KCNG2: variants seen among roughly 807,000 people sequenced by gnomAD.
The protein encoded by KCNG2 is potassium voltage-gated channel modifier subfamily G member 2.
KCNG2 carries 7 observed loss-of-function variants against 12.3 expected under a neutral mutation model. That is an observed-to-expected ratio of 0.57 (90% CI 0.32 to 1.07). The LOEUF (loss-of-function observed/expected upper bound fraction) is 1.07, where lower values mean the gene tolerates loss of function less well. Among genes scored for constraint, KCNG2 ranks in the 50% least tolerant of loss-of-function variants. The pLI is 0.04. For synonymous variants in KCNG2, 414 were observed against 351.4 expected (o/e 1.18, Z -1.99); for missense variants, 703 against 726.0 (o/e 0.97, Z 0.36).
At chr18:79,799,051 C>A (rs1306610246) in intron 1 of KCNG2, among the ~76,000 whole-genome samples, 5 of 152,218 alleles carry the variant, frequency 3.3e-5, no homozygotes, top group Non-Finnish European at 7.3e-5. Context: ...GAAGTCCTTT[C>A]CCTGCGGGAG....
chr18:79,832,975 A>C (rs1200235294), intron 1 of KCNG2, among the ~76,000 whole-genome samples: 2 of 152,194 alleles, frequency 1.3e-5, no homozygotes, highest in Non-Finnish European at 2.9e-5. Flanking sequence ...GGCTGCACCC[A>C]GTCTCCAAGG....
chr18:79,890,762 T>G (rs1408633495), intron 3 of KCNG2, among the ~76,000 whole-genome samples: 1 of 152,182 alleles, frequency 6.6e-6, no homozygotes, highest in Non-Finnish European at 1.5e-5. Flanking sequence ...TGATGATTAG[T>G]CTGTGCAGAT....
At chr18:79,862,475 C>T (rs1979257836) in intron 2 of KCNG2, among the ~76,000 whole-genome samples, 1 of 152,194 alleles carries the variant, frequency 6.6e-6, no homozygotes, top group Admixed American at 6.5e-5. Flanking sequence ...AGCACTCATC[C>T]AGGCTGGTCA....
At chr18:79,868,402 G>A (rs1341829270) in intron 3 of KCNG2, among the ~76,000 whole-genome samples, 6 of 152,338 alleles carry the variant, frequency 3.9e-5, no homozygotes, top group East Asian at 1.9e-4. Flanking sequence ...GTGTCCAAGC[G>A]TCCGGTTAAG....
chr18:79,825,102 C>T (rs1166158063), intron 1 of KCNG2, among the ~76,000 whole-genome samples: 1 of 151,932 alleles, frequency 6.6e-6, no homozygotes, highest in African/African-American at 2.4e-5. Context: ...TTTGATAGGA[C>T]AGTCAGTAGT....
intron 1 of KCNG2, among the ~76,000 whole-genome samples, chr18:79,837,920 A>G (rs1364107118): frequency 3.3e-5 from 5 of 152,212 alleles, no homozygotes; most frequent in Non-Finnish European, 7.3e-5. Flanking sequence ...ACTACCTGAG[A>G]CTGGGTAATT....
chr18:79,887,234 G>GGATATAGGGTCACAGGGACAGGC (rs1568271628), intron 3 of KCNG2, among the ~76,000 whole-genome samples: 1 of 151,740 alleles, frequency 6.6e-6, no homozygotes, highest in Non-Finnish European at 1.5e-5. Flanking sequence ...CAGGGACAGG[G>GGATATAGGGTCACAGGGACAGGC]ACACAGGGAG....
chr18:79,823,514 ATC>A (rs922071833), intron 1 of KCNG2, among the ~76,000 whole-genome samples: 1 of 152,136 alleles, frequency 6.6e-6, no homozygotes, highest in African/African-American at 2.4e-5. Context: ...GAGAAATGGT[ATC>A]TCAGTATTGT....
chr18:79,860,005 C>T (rs538962354), intron 2 of KCNG2, among the ~76,000 whole-genome samples: 6 of 152,264 alleles, frequency 3.9e-5, no homozygotes, highest in South Asian at 4.1e-4. Context: ...AAAGGAGGCA[C>T]GGTGCCAATG....
At chr18:79,869,417 A>G (rs1287231258) in intron 3 of KCNG2, among the ~76,000 whole-genome samples, 2 of 152,156 alleles carry the variant, frequency 1.3e-5, no homozygotes, top group African/African-American at 2.4e-5. Flanking sequence ...CGGCTTTGTC[A>G]GTGTGTGCTT....
rs1231166415 is a variant in KCNG2 at position 79,899,888 on chromosome 18, G to A, written c.*72G>A. ...CGTCGGGACCCCCGAGGTGCGCCAA[G>A]GGGTGGGGGGCGTCTGGCCTGGGGG... On this transcript the variant is annotated 3_prime_UTR_variant, in exon 4 of 4. Transcript: ENST00000316249. 2.4e-6 allele frequency: 3 copies of A among 1,255,852 alleles called. No individual in the cohort carries two copies. The highest frequency in any genetic ancestry group is 1.6e-5 in the African/African-American group (1 of 63,420). The allele number at this position is 1,255,852 out of a possible 1,614,324, so 77.8% of individuals were successfully genotyped here. A position where few individuals can be genotyped will look rare whatever the true frequency, so the allele number is the denominator to read the frequency against.
At position 79,800,814 on chromosome 18, in the gene KCNG2, A is replaced by T. The variant is rs1239928535; in HGVS notation, c.-115+2800A>T. 6.6e-6 allele frequency among the ~76,000 whole-genome samples: 1 copy of T among 152,312 alleles called. No individual in the cohort carries two copies. The highest frequency in any genetic ancestry group is 2.1e-4 in the South Asian group (1 of 4,830). On this transcript the variant is annotated intron_variant, in intron 1 of 3. Transcript: ENST00000316249. The surrounding 1 kb of genome is among the most constrained non-coding windows in gnomAD (Gnocchi z 4.0). ...TTTGTAGGGACAGGTCTGCTTGGGGAACCACAGCGAGGGGCACCCGAAGCA... is the reference window on the plus strand; with the variant it reads ...TTTGTAGGGACAGGTCTGCTTGGGGTACCACAGCGAGGGGCACCCGAAGCA...
Position 79,832,118 on chromosome 18 carries a change from A to T in KCNG2, c.-114-24261A>T, listed in dbSNP as rs142059657. Among the ~76,000 whole-genome samples the T allele has an allele frequency of 3.5e-4, 53 of 152,194 alleles. No individual in the cohort carries two copies. The East Asian group carries it at 9.1e-3, about 26-fold the overall frequency. Reference sequence around the variant, plus strand: ...TGGTTCTGAGCCTACTCCGAGGTACATCTATCCGCTGCTCATAGCTTGCCC... The same window carrying T: ...TGGTTCTGAGCCTACTCCGAGGTACTTCTATCCGCTGCTCATAGCTTGCCC... On this transcript the variant is annotated intron_variant, in intron 1 of 3. Transcript: ENST00000316249.
intron 1 of KCNG2, among the ~76,000 whole-genome samples, chr18:79,810,077 C>G (rs2087483256): frequency 6.6e-6 from 1 of 152,148 alleles, no homozygotes; most frequent in African/African-American, 2.4e-5. Flanking sequence ...GATGAAACCT[C>G]GAGGGAGCAT....
chr18:79,870,201 A>C (rs1360634082), intron 3 of KCNG2, among the ~76,000 whole-genome samples: 1 of 152,204 alleles, frequency 6.6e-6, no homozygotes, highest in Non-Finnish European at 1.5e-5. Context: ...CCCACGTCGA[A>C]GGCGCCCTGT....
chr18:79,802,334 G>A (rs1327035514), intron 1 of KCNG2, among the ~76,000 whole-genome samples: 1 of 152,170 alleles, frequency 6.6e-6, no homozygotes, highest in Non-Finnish European at 1.5e-5. Flanking sequence ...AGTGAAGGTC[G>A]GCTCTCCCAG....
chr18:79,854,259 G>A (rs1978928360), intron 1 of KCNG2, among the ~76,000 whole-genome samples: 1 of 152,240 alleles, frequency 6.6e-6, no homozygotes, highest in Non-Finnish European at 1.5e-5. Context: ...GCCCCTGTGT[G>A]AGGGCAGCAG....
intron 1 of KCNG2, among the ~76,000 whole-genome samples, chr18:79,817,000 G>A (rs185584076): frequency 1.9e-4 from 29 of 151,982 alleles, no homozygotes; most frequent in African/African-American, 7.0e-4. Context: ...CTGTCACATG[G>A]TTGTCACACG....
chr18:79,895,766 G>C (rs1056111182), intron 3 of KCNG2, among the ~76,000 whole-genome samples: 1 of 152,132 alleles, frequency 6.6e-6, no homozygotes, highest in African/African-American at 2.4e-5. Context: ...AGTTGGATCT[G>C]TGTCTGCTTT....
Sources: gnomAD v4.1 joint callset for allele counts (sites outside exome capture counted in the v4.1 genomes callset) on GRCh38, gnomAD v4.1.1 for gene constraint, Gnocchi (gnomAD v3.1) non-coding constraint, MANE v1.5 for transcripts, NCBI Gene and HGNC (gene_info 2026-07-23, HGNC 2026-07-21) for gene names.